GABRB3: variants seen among roughly 807,000 people sequenced by gnomAD.
The protein encoded by GABRB3 is gamma-aminobutyric acid receptor subunit beta-3.
In GABRB3, 14 loss-of-function variants were observed where a neutral mutation model predicts 52.1. The ratio of observed to expected loss-of-function variants is 0.27; its 90% confidence interval spans 0.18 to 0.42. GABRB3 has a LOEUF of 0.42. Among genes scored for constraint, GABRB3 ranks in the 10% least tolerant of loss-of-function variants. GABRB3 has a pLI of 1.00. For synonymous variants in GABRB3, 260 were observed against 232.3 expected (o/e 1.12, Z -1.08); for missense variants, 307 against 609.1 (o/e 0.50, Z 5.22).
At chr15:26,725,939 A>T (rs947771166) in intron 3 of GABRB3, among the ~76,000 whole-genome samples, 1 of 152,248 alleles carries the variant, frequency 6.6e-6, no homozygotes, top group South Asian at 2.1e-4. Context: ...ACCAAAAAAC[A>T]CAGTGAGTAA....
chr15:26,767,770 T>G (rs1891038008), intron 3 of GABRB3, among the ~76,000 whole-genome samples: 1 of 152,202 alleles, frequency 6.6e-6, no homozygotes. Flanking sequence ...AACATAAATT[T>G]AGTCAAAAGA....
chr15:26,772,910 A>T lies in GABRB3; in HGVS notation c.53T>A (p.Leu18Gln), dbSNP rs2140199978. ...CTGGGCGCAGCACACCACAGCCACC[A>T]GCACCGGGGCCGAGAAGATGCCGAA... The part of the protein sequence containing the change: ...RLFGIFSAPV[L>Q]VAVVCCAQSV... The change falls in exon 1 of 9, where the codon CTG becomes CAG. Residue 18 changes from leucine (L) to glutamine (Q), a missense_variant. Physicochemically the swap from Leu to Gln is moderately radical, Grantham distance 113. Around this residue, in one of 6 missense-constraint regions of GABRB3, gnomAD observed 90 missense variants for 86.4 expected, o/e 1.04. Coordinates refer to ENST00000311550, the MANE Select transcript of GABRB3 (RefSeq NM_000814.6). The T allele has an allele frequency of 6.7e-7, 1 of 1,499,344 alleles. No individual in the cohort carries two copies. The highest frequency in any genetic ancestry group is 8.9e-7 in the Non-Finnish European group (1 of 1,123,610). 92.9% of individuals were successfully genotyped at this position (1,499,344 alleles called of 1,614,324 possible). A position where few individuals can be genotyped will look rare whatever the true frequency, so the allele number is the denominator to read the frequency against.
intron 3 of GABRB3, among the ~76,000 whole-genome samples, chr15:26,758,103 G>A (rs183630551): frequency 2.0e-5 from 3 of 150,216 alleles, no homozygotes; most frequent in East Asian, 1.9e-4. Context: ...AAAAAAAACC[G>A]TAGAGGTGCA....
chr15:26,745,430 T>C (rs1890312286), intron 3 of GABRB3, among the ~76,000 whole-genome samples: 1 of 152,174 alleles, frequency 6.6e-6, no homozygotes, highest in Admixed American at 6.5e-5. Context: ...GAAAGTGATA[T>C]GGTACAATCC....
intron 3 of GABRB3, among the ~76,000 whole-genome samples, chr15:26,770,632 T>A (rs1023869775): frequency 2.0e-5 from 3 of 152,244 alleles, no homozygotes; most frequent in Non-Finnish European, 4.4e-5. Flanking sequence ...TTTACTATTG[T>A]GTAGAGTTCT....
At chr15:26,689,810 A>G (rs544174203) in intron 3 of GABRB3, among the ~76,000 whole-genome samples, 1 of 152,206 alleles carries the variant, frequency 6.6e-6, no homozygotes, top group South Asian at 2.1e-4. Context: ...GCCTTTCCAA[A>G]GGGCTGGTCT....
chr15:26,600,535 T>C (rs902800540), intron 4 of GABRB3, among the ~76,000 whole-genome samples: 3 of 152,182 alleles, frequency 2.0e-5, no homozygotes, highest in Non-Finnish European at 4.4e-5. Flanking sequence ...TCAGCAGACT[T>C]ATCAACAGAA....
chr15:26,744,626 A>G (rs929206794), intron 3 of GABRB3, among the ~76,000 whole-genome samples: 6 of 152,056 alleles, frequency 3.9e-5, no homozygotes, highest in Non-Finnish European at 7.4e-5. Context: ...AGGTTTCACC[A>G]TGTTGGCCAG....
intron 4 of GABRB3, among the ~76,000 whole-genome samples, chr15:26,598,231 T>C (rs1311555092): frequency 6.6e-6 from 1 of 151,464 alleles, no homozygotes; most frequent in Non-Finnish European, 1.5e-5. Flanking sequence ...AATAAACTGG[T>C]CGAATAAGAA....
intron 4 of GABRB3, among the ~76,000 whole-genome samples, chr15:26,603,339 A>G (rs1433173779): frequency 2.0e-5 from 3 of 152,082 alleles, no homozygotes; most frequent in Admixed American, 6.5e-5. Context: ...TGAAAGAACA[A>G]CTAATGTAAA....
intron 3 of GABRB3, among the ~76,000 whole-genome samples, chr15:26,713,914 T>G (rs112792721): frequency 0.03 from 4,493 of 152,076 alleles, 117 homozygotes; most frequent in South Asian, 0.085. Flanking sequence ...AGACGGCTGG[T>G]GGAGGTTGAA....
At chr15:26,634,207 T>C (rs1892982212) in intron 3 of GABRB3, among the ~76,000 whole-genome samples, 1 of 152,136 alleles carries the variant, frequency 6.6e-6, no homozygotes, top group African/African-American at 2.4e-5. Context: ...CATTCTACTT[T>C]CCTGGGATTT....
At chr15:26,741,765 T>C (rs970289738) in intron 3 of GABRB3, among the ~76,000 whole-genome samples, 3 of 152,086 alleles carry the variant, frequency 2.0e-5, no homozygotes, top group African/African-American at 7.2e-5. Context: ...TGCACCACTA[T>C]GTCTGCTAAT....
intron 3 of GABRB3, among the ~76,000 whole-genome samples, chr15:26,717,770 G>C (rs1889535245): frequency 6.6e-6 from 1 of 152,152 alleles, no homozygotes; most frequent in South Asian, 2.1e-4. Context: ...CTCTTTACAA[G>C]CTGAGCTGGA....
In GABRB3 at chr15:26,547,976, C is replaced by T; in HGVS notation, c.1239G>A (p.Gly413=). The T allele has an allele frequency of 6.2e-7, 1 of 1,614,202 alleles. No individual in the cohort carries two copies. The highest frequency in any genetic ancestry group is 8.5e-7 in the Non-Finnish European group (1 of 1,180,054). The part of the protein sequence containing the change: ...RKQSMPREGH[G]RFLGDRSLPH... Reference sequence around the variant, plus strand: ...GGAGGCTTCTGTCCCCCAGGAATCGCCCATGCCCTTCTCGAGGCATGCTCT... The same window carrying T: ...GGAGGCTTCTGTCCCCCAGGAATCGTCCATGCCCTTCTCGAGGCATGCTCT... The change falls in exon 9 of 9, where the codon GGG becomes GGA. Residue 413 remains glycine (G), a synonymous_variant. Transcript: ENST00000311550.
At chr15:26,551,729 C>T (rs544837803) in intron 8 of GABRB3, among the ~76,000 whole-genome samples, 2 of 152,276 alleles carry the variant, frequency 1.3e-5, no homozygotes, top group Admixed American at 6.5e-5. Flanking sequence ...TTATAGTTTA[C>T]AGGCAGCATT....
intron 3 of GABRB3, chr15:26,642,594 G>C (rs1893232101): frequency 1.1e-6 from 1 of 931,992 alleles, no homozygotes. Flanking sequence ...AATAGTCTAA[G>C]TGCTATCCTA....
chr15:26,758,963 G>C (rs1809413421), intron 3 of GABRB3, among the ~76,000 whole-genome samples: 1 of 152,096 alleles, frequency 6.6e-6, no homozygotes, highest in Non-Finnish European at 1.5e-5. Flanking sequence ...TAAACAGTTG[G>C]AAATTGTTTG....
intron 6 of GABRB3, among the ~76,000 whole-genome samples, chr15:26,568,745 G>A (rs1890282315): frequency 6.7e-6 from 1 of 149,142 alleles, no homozygotes; most frequent in Non-Finnish European, 1.5e-5. Flanking sequence ...TTGAACTCCC[G>A]ACTTTGTGAT....
Sources: allele counts gnomAD v4.1 joint callset (sites outside exome capture counted in the v4.1 genomes callset), GRCh38; gene constraint gnomAD v4.1.1; regional missense constraint gnomAD v4.1.1; transcripts MANE v1.5; gene names NCBI Gene and HGNC (gene_info 2026-07-23, HGNC 2026-07-21).